DEAF1: variants seen among roughly 807,000 people sequenced by gnomAD.
DEAF1 encodes the protein deformed epidermal autoregulatory factor 1 homolog.
DEAF1 carries 53 observed loss-of-function variants against 58.9 expected under a neutral mutation model. The ratio of observed to expected loss-of-function variants is 0.90; its 90% CI spans 0.72 to 1.13. The LOEUF (loss-of-function observed/expected upper bound fraction) is 1.13, where lower values mean the gene tolerates loss of function less well. Ranked by LOEUF, DEAF1 falls within the 50% of genes most tolerant of loss-of-function variation. The pLI, the probability that DEAF1 is intolerant of heterozygous loss-of-function variation, is 0.00. For missense variants in DEAF1, 685 were observed against 791.4 expected (o/e 0.87, Z 1.61); for synonymous variants, 385 against 340.4 (o/e 1.13, Z -1.44).
At chr11:695,867 G>A (rs1861118914), upstream of DEAF1, 1 of 1,226,502 alleles carries the variant, frequency 8.2e-7, no homozygotes, top group African/African-American at 1.6e-5. Context: ...GCGGGGTGGG[G>A]GCTTCCGGGC....
rs184534483 is a variant in DEAF1 at position 656,116 on chromosome 11, G to A, written c.1504-2065C>T. Among the ~76,000 whole-genome samples the A allele has an allele frequency of 7.9e-3, 1,166 of 148,338 alleles. 15 individuals carry two copies. Among genetic ancestry groups the A allele is most frequent in the African/African-American group, 0.028 (1,116 of 39,868 alleles). On this transcript the variant is annotated intron_variant, in intron 10 of 11. Transcript: ENST00000382409. ...CCCAAAGTGCTGGGATTACAGGCAT[G>A]AGCCACCGCGCCTGGCCTGTGCCTC...
intron 11 of DEAF1, among the ~76,000 whole-genome samples, chr11:652,125 G>A (rs1478698909): frequency 6.6e-6 from 1 of 151,986 alleles, no homozygotes; most frequent in Non-Finnish European, 1.5e-5. Context: ...AAATTTAAAG[G>A]TACTGAAAAA....
intron 10 of DEAF1, chr11:666,125 C>T (rs1314764898): frequency 6.6e-6 from 1 of 152,202 alleles, no homozygotes; most frequent in Admixed American, 6.5e-5. Context: ...ATCCAGAAAA[C>T]CACAGCTTCG....
At chr11:663,805 G>A (rs576949907) in intron 10 of DEAF1, among the ~76,000 whole-genome samples, 49 of 152,304 alleles carry the variant, frequency 3.2e-4, no homozygotes, top group African/African-American at 1.1e-3. Context: ...TTTTTCTTGC[G>A]AAGGTCCGGT....
At chr11:663,077 C>T (rs1295475056) in intron 10 of DEAF1, among the ~76,000 whole-genome samples, 1 of 152,212 alleles carries the variant, frequency 6.6e-6, no homozygotes, top group Non-Finnish European at 1.5e-5. Flanking sequence ...CTCTGGGAGG[C>T]TGACTGGGCG....
Position 703,361 on chromosome 11 carries a change from C to T in DEAF1, c.-438+3211G>A, listed in dbSNP as rs968619238. The T allele has an allele frequency of 1.7e-5, 24 of 1,391,076 alleles. No homozygotes were observed. The East Asian group carries it at 5.4e-4, about 31-fold the overall frequency. The allele number at this position is 1,391,076 out of a possible 1,614,324, so 86.2% of individuals were successfully genotyped here. ...GAGGCCCTGGTGTTGGGAACAGCTG[C>T]GGGGAGGGTAGGGACCAGACAGAAC... On this transcript the variant is annotated intron_variant, in intron 1 of 11. Transcript: ENST00000683307.
chr11:661,391 A>G (rs1859312441), intron 10 of DEAF1, among the ~76,000 whole-genome samples: 1 of 151,562 alleles, frequency 6.6e-6, no homozygotes, highest in Non-Finnish European at 1.5e-5. Flanking sequence ...CAGCTGGGCT[A>G]CATTTGATTT....
At chr11:693,204 T>G (rs1420386913) in intron 1 of DEAF1, among the ~76,000 whole-genome samples, 2 of 152,252 alleles carry the variant, frequency 1.3e-5, no homozygotes, top group Non-Finnish European at 2.9e-5. Flanking sequence ...CAGCATCATT[T>G]TTCTTTTATG....
intron 1 of DEAF1, chr11:700,752 C>A: frequency 6.6e-7 from 1 of 1,515,046 alleles, no homozygotes; most frequent in Non-Finnish European, 9.2e-7. Flanking sequence ...CTAAGAGTTG[C>A]TATCTGTTTC....
At position 657,758 on chromosome 11, in the gene DEAF1, A is replaced by G. The variant is rs1859127926; in HGVS notation, c.1504-3707T>C. ...GTCGTCCACCCCCACGAGAAAGCAC[A>G]AGACAAGCCTGGATCGGGGCACCTG... is the stretch of plus-strand genomic sequence containing the variant. On this transcript the variant is annotated intron_variant, in intron 10 of 11. Coordinates refer to ENST00000382409, the MANE Select transcript of DEAF1 (RefSeq NM_021008.4). Among the ~76,000 whole-genome samples, 4 of 152,176 alleles carry G rather than the reference A, an allele frequency of 2.6e-5. No homozygotes were observed. In the South Asian group the frequency reaches 8.3e-4, roughly 32 times the overall value.
chr11:668,432 A>G (rs1485979831), intron 10 of DEAF1, among the ~76,000 whole-genome samples: 3 of 152,094 alleles, frequency 2.0e-5, no homozygotes, highest in African/African-American at 7.2e-5. Context: ...TGTTTTTTTG[A>G]GACAGGGTCT....
chr11:655,824 TTTATTTATTA>T (rs935750516), intron 10 of DEAF1, among the ~76,000 whole-genome samples: 5 of 127,498 alleles, frequency 3.9e-5, no homozygotes, highest in East Asian at 2.8e-4. Context: ...CTCTACTTTA[TTTATTTATTA>T]TTATTATTAT....
intron 1 of DEAF1, among the ~76,000 whole-genome samples, chr11:701,296 C>T (rs1861454067): frequency 4.6e-5 from 7 of 152,106 alleles, no homozygotes; most frequent in Admixed American, 4.6e-4. Context: ...CCTCCTGCCT[C>T]AGCCCTCCCC....
chr11:696,000 C>T (rs1480965219), upstream of DEAF1, among the ~76,000 whole-genome samples: 1 of 152,068 alleles, frequency 6.6e-6, no homozygotes, highest in Non-Finnish European at 1.5e-5. Flanking sequence ...TCGAGAAGCG[C>T]GGCCTGGCCT....
At chr11:687,141 C>G in intron 4 of DEAF1, 144 bp from the exon 5 acceptor site, 2 of 1,232,584 alleles carry the variant, frequency 1.6e-6, no homozygotes, top group East Asian at 5.0e-5. Context: ...ATACTTGGCC[C>G]TGACAGGTCC....
At chr11:646,888 C>T (rs117631816) in intron 11 of DEAF1, among the ~76,000 whole-genome samples, 3,552 of 152,200 alleles carry the variant, frequency 0.023, 58 homozygotes, top group Non-Finnish European at 0.04. Flanking sequence ...GAAAAGCCAA[C>T]ATCACAGACT....
intron 6 of DEAF1, among the ~76,000 whole-genome samples, chr11:683,218 TTGA>T (rs1160348733): frequency 6.6e-6 from 1 of 152,210 alleles, no homozygotes; most frequent in Non-Finnish European, 1.5e-5. Context: ...GTTCTAAAAT[TTGA>T]TGAAGTCCAA....
intron 6 of DEAF1, 50 bp from the exon 7 acceptor site, chr11:681,139 G>A (rs2133384457): frequency 6.2e-7 from 1 of 1,612,296 alleles, no homozygotes; most frequent in East Asian, 2.2e-5. Flanking sequence ...CAAAAGCTAT[G>A]CTGCGCTTGC....
At chr11:700,797 G>A in intron 1 of DEAF1, 1 of 1,240,480 alleles carries the variant, frequency 8.1e-7, no homozygotes, top group Non-Finnish European at 1.2e-6. Context: ...TTATAGTGTG[G>A]TTCTCAGAGA....
Sources: allele counts gnomAD v4.1 joint callset (sites outside exome capture counted in the v4.1 genomes callset), GRCh38; gene constraint gnomAD v4.1.1; transcripts MANE v1.5; gene names NCBI Gene and HGNC (gene_info 2026-07-23, HGNC 2026-07-21).